Variants in GIP observed in about 807,000 individuals in gnomAD.
The protein encoded by GIP is glucose-dependent insulinotropic polypeptide.
In GIP, 16 loss-of-function variants were observed where a neutral mutation model predicts 18.1. The observed-to-expected ratio is 0.88, with a 90% CI of 0.60 to 1.34. GIP has a LOEUF of 1.34. Among genes scored for constraint, GIP ranks in the 40% most tolerant of loss-of-function variants. The probability of loss-of-function intolerance (pLI) is 0.00; values close to 1 mark genes in which losing one functional copy is unlikely to be tolerated. For synonymous variants in GIP, 76 were observed against 74.0 expected (o/e 1.03, Z -0.14); for missense variants, 192 against 183.4 (o/e 1.05, Z -0.27).
rs946261201 is a variant in GIP at position 48,967,272 on chromosome 17, A to G, written c.-21-19T>C. 1.3e-6 allele frequency: 2 copies of G among 1,570,114 alleles called. No individual in the cohort carries two copies. The highest frequency in any genetic ancestry group is 1.8e-6 in the Non-Finnish European group (2 of 1,140,004). ...TCCTGAGCTAAGACAGAAAAAAGCC[A>G]GGACATGTTGAGAGAGCAACCAGTA... On this transcript the variant is annotated intron_variant, in intron 1 of 5. Coordinates refer to ENST00000357424, the MANE Select transcript of GIP (RefSeq NM_004123.3).
At position 48,958,622 on chromosome 17, in the gene GIP, G is replaced by T; in HGVS notation, c.*85C>A. The T allele has an allele frequency of 9.3e-7, 1 of 1,071,196 alleles. No individual in the cohort carries two copies. The highest frequency in any genetic ancestry group is 1.4e-6 in the Non-Finnish European group (1 of 712,554). 66.4% of individuals were successfully genotyped at this position (1,071,196 alleles called of 1,614,324 possible). A position where few individuals can be genotyped will look rare whatever the true frequency, so the allele number is the denominator to read the frequency against. On this transcript the variant is annotated 3_prime_UTR_variant, in exon 6 of 6. Coordinates refer to ENST00000357424, the MANE Select transcript of GIP (RefSeq NM_004123.3). Reference sequence around the variant, plus strand: ...GACTTAGCATAAACTTTATTGGTTTGGGTTCTCTTGGCTATTCTGGAGTGG... The same window carrying T: ...GACTTAGCATAAACTTTATTGGTTTTGGTTCTCTTGGCTATTCTGGAGTGG...
intron 3 of GIP, among the ~76,000 whole-genome samples, chr17:48,964,077 G>T (rs1220626105): frequency 6.7e-6 from 1 of 148,172 alleles, no homozygotes; most frequent in African/African-American, 2.5e-5. Flanking sequence ...GGAGAATGGC[G>T]TGAACCCGGG....
chr17:48,966,896 G>A (rs1362575411), intron 2 of GIP, among the ~76,000 whole-genome samples: 3 of 152,070 alleles, frequency 2.0e-5, no homozygotes, highest in Non-Finnish European at 4.4e-5. Flanking sequence ...TGTCATCTTC[G>A]GACAATTAAC....
intron 5 of GIP, among the ~76,000 whole-genome samples, chr17:48,959,600 C>T (rs956241256): frequency 7.2e-5 from 11 of 152,184 alleles, no homozygotes; most frequent in Admixed American, 4.6e-4. Context: ...GAAGAATTTT[C>T]TAGCTGATGA....
Position 48,958,885 on chromosome 17 carries a change from C to A in GIP, c.453-169G>T, listed in dbSNP as rs533566565. Among the ~76,000 whole-genome samples, 6 of 149,108 alleles carry A rather than the reference C, an allele frequency of 4.0e-5. No individual in the cohort carries two copies. The East Asian group carries it at 1.2e-3, about 29-fold the overall frequency. On this transcript the variant is annotated intron_variant, in intron 5 of 5. Coordinates refer to ENST00000357424, the MANE Select transcript of GIP (RefSeq NM_004123.3). ...TTTTTTTTTTTTTGAGACGGAGTCT[C>A]GCTCTGTCGCCCAGGCTGGAGTGCA...
At position 48,961,837 on chromosome 17, in the gene GIP, A is replaced by G. The variant is rs754252571; in HGVS notation, c.258-18T>C. On this transcript the variant is annotated intron_variant, in intron 3 of 5. Transcript: ENST00000357424. Reference sequence around the variant, plus strand: ...GTTTCCAGCTGGGAAGATAAAGATTAGAGAGTGGGCAAGCTGCGGAGACTC... The same window carrying G: ...GTTTCCAGCTGGGAAGATAAAGATTGGAGAGTGGGCAAGCTGCGGAGACTC... 1.4e-5 allele frequency: 22 copies of G among 1,582,598 alleles called. No homozygotes were observed. The South Asian group carries it at 2.4e-4, about 18-fold the overall frequency.
At chr17:48,961,281 T>C (rs2041199380) in intron 4 of GIP, among the ~76,000 whole-genome samples, 1 of 152,182 alleles carries the variant, frequency 6.6e-6, no homozygotes, top group Non-Finnish European at 1.5e-5. Flanking sequence ...GAGAGTACTT[T>C]GGGCACATTC....
Position 48,961,714 on chromosome 17 carries a change from C to T in GIP, c.350+13G>A, listed in dbSNP as rs995381249. 1.3e-5 allele frequency: 21 copies of T among 1,570,114 alleles called. No homozygotes were observed. Among genetic ancestry groups the T allele is most frequent in the African/African-American group, 1.1e-4 (8 of 74,324 alleles). ...GGCTTGGCTCCCTCCCTTCCCTCTGCGCCCTGACTCACCTCTGTGGCTCCA... is the reference window on the plus strand; with the variant it reads ...GGCTTGGCTCCCTCCCTTCCCTCTGTGCCCTGACTCACCTCTGTGGCTCCA... On this transcript the variant is annotated intron_variant, in intron 4 of 5. Transcript: ENST00000357424.
chr17:48,958,856 C>CT (rs34610908), intron 5 of GIP, 140 bp from the exon 6 acceptor site: 51,461 of 422,398 alleles, frequency 0.12, 34 homozygotes, highest in South Asian at 0.16. Context: ...TATCAATTTA[C>CT]TTTTTTTTTT....
At chr17:48,961,640 C>G (rs2041200799) in intron 4 of GIP, 87 bp downstream of exon 4, 1 of 813,448 alleles carries the variant, frequency 1.2e-6, no homozygotes, top group Non-Finnish European at 2.1e-6. Context: ...GGTCCTTGCT[C>G]TGCTCTGGGG....
At chr17:48,961,211 A>C (rs1174518545) in intron 4 of GIP, among the ~76,000 whole-genome samples, 1 of 152,172 alleles carries the variant, frequency 6.6e-6, no homozygotes, top group Non-Finnish European at 1.5e-5. Flanking sequence ...AGGGAGAGTC[A>C]AACAGAATTC....
intron 3 of GIP, among the ~76,000 whole-genome samples, 182 bp from the exon 4 acceptor site, chr17:48,962,001 A>G (rs1320591914): frequency 1.3e-5 from 2 of 152,140 alleles, no homozygotes; most frequent in Non-Finnish European, 1.5e-5. Context: ...TGCTGACCAG[A>G]GAGGGCGGGG....
chr17:48,966,543 C>T (rs925554047), intron 2 of GIP, among the ~76,000 whole-genome samples: 10 of 149,778 alleles, frequency 6.7e-5, no homozygotes, highest in East Asian at 2.0e-4. Context: ...GGTGACAGAG[C>T]GAGACTCCAT....
Position 48,960,904 on chromosome 17 carries a change from G to C in GIP, c.434C>G (p.Thr145Arg), listed in dbSNP as rs562762129. The change falls in exon 5 of 6, where the codon ACA (threonine) becomes AGA (arginine). Residue 145 changes from threonine (T) to arginine (R), a missense_variant. Thr to Arg is a moderately conservative substitution (Grantham distance 71). Transcript: ENST00000357424. ...QELLACLLDQ[T>R]NLCRLRSR ...CCCCTACCTGAGCCTGCAGAGGTTT[G>C]TCTGATCCAGCAAGCAGGCCAACAG... 31 of 1,601,876 alleles carry C rather than the reference G, an allele frequency of 1.9e-5. No homozygotes were observed. The East Asian group carries it at 6.7e-4, about 35-fold the overall frequency.
intron 4 of GIP, 106 bp downstream of exon 4, chr17:48,961,621 C>A: frequency 1.4e-6 from 1 of 690,724 alleles, no homozygotes; most frequent in Non-Finnish European, 2.5e-6. Context: ...GAAGAGGATG[C>A]TTATCTCAGG....
At chr17:48,967,472 G>A (rs917183830) in intron 1 of GIP, among the ~76,000 whole-genome samples, 2 of 148,262 alleles carry the variant, frequency 1.3e-5, no homozygotes, top group Non-Finnish European at 3.0e-5. Context: ...CCATTCTTCT[G>A]CCTCAGCCTC....
At chr17:48,964,019 G>T (rs916269508) in intron 3 of GIP, among the ~76,000 whole-genome samples, 10 of 150,530 alleles carry the variant, frequency 6.6e-5, no homozygotes, top group Non-Finnish European at 1.3e-4. Flanking sequence ...AATTAGCCGG[G>T]CATGGTGGCA....
chr17:48,967,029 GCTTCCT>G, intron 2 of GIP, 112 bp downstream of exon 2: 1 of 737,498 alleles, frequency 1.4e-6, no homozygotes, highest in Admixed American at 2.3e-5. Flanking sequence ...TTTCCCTGGA[GCTTCCT>G]ACCTCTTAGC....
chr17:48,967,158 C>A lies in GIP; in HGVS notation c.75G>T (p.Glu25Asp). Residue 25 changes from glutamate (E) to aspartate (D), a missense_variant, in exon 2 of 6, where the codon GAG becomes GAT. By Grantham distance (45) the Glu-to-Asp change is conservative. Coordinates refer to ENST00000357424, the MANE Select transcript of GIP (RefSeq NM_004123.3). ...CTCACCACTCCTACCTGAAGTGACCCTCTTTCTTCTCTCCTAGTCCCACTG... is the reference window on the plus strand; with the variant it reads ...CTCACCACTCCTACCTGAAGTGACCATCTTTCTTCTCTCCTAGTCCCACTG... ...FLAVGLGEKK[E>D]GHFSALPSLP... 6.2e-7 allele frequency: 1 copy of A among 1,612,730 alleles called. No homozygotes were observed. Among genetic ancestry groups the A allele is most frequent in the Admixed American group, 1.7e-5 (1 of 59,982 alleles).
Sources: allele counts gnomAD v4.1 joint callset (sites outside exome capture counted in the v4.1 genomes callset), GRCh38; gene constraint gnomAD v4.1.1; transcripts MANE v1.5; gene names NCBI Gene and HGNC (gene_info 2026-07-23, HGNC 2026-07-21).